Variants in MTUS2 observed in about 807,000 individuals in gnomAD.
The protein encoded by MTUS2 is microtubule-associated tumor suppressor candidate 2.
In MTUS2, 40 loss-of-function variants were observed where a neutral mutation model predicts 114.1. The observed-to-expected ratio is 0.35, with a 90% confidence interval of 0.27 to 0.46. MTUS2 has a LOEUF of 0.46. Among genes scored for constraint, MTUS2 ranks in the 20% least tolerant of loss-of-function variants. The probability of loss-of-function intolerance (pLI) is 1.00; values close to 1 mark genes in which losing one functional copy is unlikely to be tolerated. For synonymous variants in MTUS2, 688 were observed against 672.0 expected, an observed-to-expected ratio of 1.02 and a Z score of -0.37; for missense variants, 1,679 against 1,705.4, an observed-to-expected ratio of 0.98 and a Z score of 0.27.
chr13:29,178,606 C>G (rs1893871216), intron 5 of MTUS2, among the ~76,000 whole-genome samples: 1 of 151,970 alleles, frequency 6.6e-6, no homozygotes, highest in African/African-American at 2.4e-5. Context: ...AAAATATCTC[C>G]AGATACTGCC....
intron 5 of MTUS2, among the ~76,000 whole-genome samples, chr13:29,120,236 A>G (rs570323689): frequency 4.6e-5 from 7 of 151,624 alleles, no homozygotes; most frequent in African/African-American, 1.7e-4. Flanking sequence ...ATATTTAAAA[A>G]AGAAACCTTA....
intron 4 of MTUS2, 149 bp downstream of exon 4, chr13:29,034,274 TTGTGAAACTCA>T (rs999423419): frequency 1.1e-4 from 118 of 1,040,470 alleles, no homozygotes; most frequent in Admixed American, 4.7e-4. Context: ...ATGCAGACAT[TTGTGAAACTCA>T]TCTGTGTGCA....
intron 2 of MTUS2, among the ~76,000 whole-genome samples, chr13:28,928,312 T>A (rs1881433019): frequency 6.6e-6 from 1 of 152,074 alleles, no homozygotes; most frequent in Admixed American, 6.6e-5. Flanking sequence ...ACATAGTGAA[T>A]ACATAACCCC....
At chr13:29,178,921 T>A (rs1893884877) in intron 5 of MTUS2, among the ~76,000 whole-genome samples, 1 of 152,132 alleles carries the variant, frequency 6.6e-6, no homozygotes. Context: ...TTAAATGAAG[T>A]AGGGCTCAGC....
chr13:29,431,514 G>A (rs1876988158), intron 8 of MTUS2, among the ~76,000 whole-genome samples: 1 of 152,184 alleles, frequency 6.6e-6, no homozygotes, highest in Non-Finnish European at 1.5e-5. Context: ...GCACAAGACT[G>A]GAGTATAATT....
chr13:29,472,867 C>A (rs887334660), intron 9 of MTUS2, among the ~76,000 whole-genome samples: 1 of 152,178 alleles, frequency 6.6e-6, no homozygotes, highest in African/African-American at 2.4e-5. Flanking sequence ...TAAGAATTCA[C>A]ACCACTGAAA....
chr13:29,404,890 T>C (rs1488697454), intron 8 of MTUS2, among the ~76,000 whole-genome samples: 1 of 152,214 alleles, frequency 6.6e-6, no homozygotes, highest in African/African-American at 2.4e-5. Flanking sequence ...GGTTTCCTTC[T>C]GCTGTGCCTG....
intron 4 of MTUS2, among the ~76,000 whole-genome samples, chr13:29,095,401 T>C (rs1039532328): frequency 1.3e-5 from 2 of 152,186 alleles, no homozygotes; most frequent in African/African-American, 4.8e-5. Context: ...TTGTGAACTA[T>C]CCCTCTTCAT....
chr13:29,194,932 C>A (rs1593585505), intron 5 of MTUS2, among the ~76,000 whole-genome samples: 1 of 148,926 alleles, frequency 6.7e-6, no homozygotes, highest in South Asian at 2.1e-4. Flanking sequence ...ATGATGAGTT[C>A]ATGTCCTTTG....
intron 2 of MTUS2, among the ~76,000 whole-genome samples, chr13:28,932,136 C>T (rs1395192031): frequency 6.6e-6 from 1 of 152,152 alleles, no homozygotes; most frequent in African/African-American, 2.4e-5. Flanking sequence ...AGCTGCAGCT[C>T]ACTGACCAAT....
intron 4 of MTUS2, among the ~76,000 whole-genome samples, chr13:29,074,377 G>A (rs1447519691): frequency 2.6e-5 from 4 of 152,128 alleles, no homozygotes; most frequent in Non-Finnish European, 5.9e-5. Flanking sequence ...ACAGCTCTGG[G>A]TCCATGCCTC....
At chr13:29,204,864 G>A (rs537825279) in intron 5 of MTUS2, among the ~76,000 whole-genome samples, 1 of 152,330 alleles carries the variant, frequency 6.6e-6, no homozygotes, top group African/African-American at 2.4e-5. Context: ...TGGCCATAGG[G>A]TCCCTCATGG....
At chr13:29,190,313 A>G (rs1276044510) in intron 5 of MTUS2, among the ~76,000 whole-genome samples, 1 of 152,230 alleles carries the variant, frequency 6.6e-6, no homozygotes, top group East Asian at 1.9e-4. Flanking sequence ...TTCATATAGT[A>G]ACTCAGTCCT....
intron 8 of MTUS2, among the ~76,000 whole-genome samples, chr13:29,414,997 T>C (rs187805611): frequency 1.0e-3 from 153 of 151,382 alleles, no homozygotes; most frequent in Non-Finnish European, 9.6e-4. Flanking sequence ...TTTTTTGGTT[T>C]GGTTTTTTTT....
intron 8 of MTUS2, among the ~76,000 whole-genome samples, chr13:29,436,387 G>A (rs17073382): frequency 0.01 from 1,564 of 152,276 alleles, 63 homozygotes; most frequent in Admixed American, 0.069. Flanking sequence ...AATAAGACCC[G>A]GGATGCTCTG....
chr13:29,291,498 A>C (rs937883033), intron 6 of MTUS2, among the ~76,000 whole-genome samples: 1 of 152,234 alleles, frequency 6.6e-6, no homozygotes, highest in African/African-American at 2.4e-5. Context: ...AGAGAACCCC[A>C]TGCCAGCCAC....
chr13:28,963,519 A>C (rs547358594), intron 2 of MTUS2, among the ~76,000 whole-genome samples: 1 of 152,238 alleles, frequency 6.6e-6, no homozygotes, highest in African/African-American at 2.4e-5. Flanking sequence ...ACGTGTGTGT[A>C]TATGCACATG....
intron 6 of MTUS2, among the ~76,000 whole-genome samples, chr13:29,317,928 T>A (rs145872238): frequency 1.4e-4 from 21 of 152,340 alleles, no homozygotes; most frequent in African/African-American, 4.6e-4. Context: ...TCTGTTCACC[T>A]CCTTCCAGTT....
At chr13:29,105,269 A>G (rs894045922) in intron 5 of MTUS2, among the ~76,000 whole-genome samples, 1 of 152,216 alleles carries the variant, frequency 6.6e-6, no homozygotes, top group African/African-American at 2.4e-5. Flanking sequence ...TTGATTTTCC[A>G]AGTGGGTAGG....
Sources: gnomAD v4.1 joint callset for allele counts (sites outside exome capture counted in the v4.1 genomes callset) on GRCh38, gnomAD v4.1.1 for gene constraint, MANE v1.5 for transcripts, NCBI Gene and HGNC (gene_info 2026-07-23, HGNC 2026-07-21) for gene names.